Variants in XKR6 observed in about 807,000 individuals in gnomAD.
XKR6 encodes XK-related protein 6.
In XKR6, 22 loss-of-function variants were observed where a neutral mutation model predicts 56.7. The ratio of observed to expected loss-of-function variants is 0.39; its 90% confidence interval spans 0.28 to 0.55. The LOEUF (loss-of-function observed/expected upper bound fraction) is 0.55, where lower values mean the gene tolerates loss of function less well. XKR6 is among the 20% of genes least tolerant of loss of function. The probability of loss-of-function intolerance (pLI) is 0.66; values close to 1 mark genes in which losing one functional copy is unlikely to be tolerated. For synonymous variants in XKR6, 524 were observed against 387.8 expected (o/e 1.35, Z -4.13); for missense variants, 852 against 889.0 (o/e 0.96, Z 0.53).
At chr8:10,973,363 G>T (rs1802462553) in intron 1 of XKR6, among the ~76,000 whole-genome samples, 1 of 152,170 alleles carries the variant, frequency 6.6e-6, no homozygotes, top group South Asian at 2.1e-4. Context: ...TGGGTTCCAT[G>T]GGTTCCCTGG....
chr8:11,190,948 T>C (rs1563207359), intron 1 of XKR6, among the ~76,000 whole-genome samples: 1 of 152,212 alleles, frequency 6.6e-6, no homozygotes, highest in Non-Finnish European at 1.5e-5. Context: ...GTAATTTCTC[T>C]ACGCCTCCTC....
intron 2 of XKR6, among the ~76,000 whole-genome samples, chr8:10,915,999 T>C (rs1800553097): frequency 6.6e-6 from 1 of 152,202 alleles, no homozygotes. Context: ...GAAGTGGAGC[T>C]CTTGTGCTGG....
intron 1 of XKR6, among the ~76,000 whole-genome samples, chr8:11,171,381 C>T (rs2898265): frequency 0.011 from 1,613 of 152,342 alleles, 41 homozygotes; most frequent in African/African-American, 0.037. Context: ...GCTCTCAATG[C>T]CATTACTCCA....
intron 1 of XKR6, among the ~76,000 whole-genome samples, chr8:11,011,920 C>A (rs1314755951): frequency 6.6e-6 from 1 of 152,200 alleles, no homozygotes; most frequent in East Asian, 1.9e-4. Context: ...AGGTGTGCAC[C>A]TGCTGGAAGC....
In XKR6 at chr8:11,182,673, C is replaced by G. The variant is rs551287854; in HGVS notation, c.764+17903G>C. On this transcript the variant is annotated intron_variant, in intron 1 of 2. Coordinates refer to ENST00000416569, the MANE Select transcript of XKR6 (RefSeq NM_173683.4). Reference sequence around the variant, plus strand: ...GTGTTTCAAGTTGTAGTAGAGCTAGCAAGAAATAAAAACATCTAGAGTATT... The same window carrying G: ...GTGTTTCAAGTTGTAGTAGAGCTAGGAAGAAATAAAAACATCTAGAGTATT... 7.1e-4 allele frequency among the ~76,000 whole-genome samples: 108 copies of G among 152,254 alleles called. 1 individual carries two copies. In the Middle Eastern group the frequency reaches 0.01, roughly 14 times the overall value.
intron 1 of XKR6, among the ~76,000 whole-genome samples, chr8:11,016,776 C>T (rs1009408518): frequency 2.6e-5 from 4 of 152,188 alleles, no homozygotes; most frequent in Non-Finnish European, 4.4e-5. Flanking sequence ...TGAGCCGGCG[C>T]GTCCTTGCTC....
At chr8:11,038,874 G>A (rs145554895) in intron 1 of XKR6, among the ~76,000 whole-genome samples, 1 of 152,198 alleles carries the variant, frequency 6.6e-6, no homozygotes, top group African/African-American at 2.4e-5. Context: ...AAGTGATTTA[G>A]ATTGGCTTAG....
At chr8:10,918,211 G>C (rs1477504924) in intron 2 of XKR6, among the ~76,000 whole-genome samples, 1 of 152,214 alleles carries the variant, frequency 6.6e-6, no homozygotes, top group African/African-American at 2.4e-5. Context: ...GAGGGTCCTT[G>C]TCCTAGACCC....
At chr8:11,179,285 C>G (rs1269278689) in intron 1 of XKR6, among the ~76,000 whole-genome samples, 2 of 152,148 alleles carry the variant, frequency 1.3e-5, no homozygotes, top group African/African-American at 4.8e-5. Context: ...ACGTAGATTC[C>G]TTTAGGTAAC....
intron 1 of XKR6, among the ~76,000 whole-genome samples, chr8:11,167,697 G>C (rs188871674): frequency 2.6e-5 from 4 of 152,204 alleles, no homozygotes; most frequent in Admixed American, 6.5e-5. Flanking sequence ...CTAAATACTA[G>C]CCTAGACACA....
chr8:10,935,712 G>C (rs946259897), intron 1 of XKR6, among the ~76,000 whole-genome samples: 37 of 149,620 alleles, frequency 2.5e-4, no homozygotes, highest in African/African-American at 9.1e-4. Flanking sequence ...GAGCGGCTTT[G>C]AGTGAGATTC....
intron 2 of XKR6, among the ~76,000 whole-genome samples, chr8:10,903,075 C>T (rs1397196122): frequency 2.0e-5 from 3 of 152,114 alleles, no homozygotes; most frequent in South Asian, 4.1e-4. Flanking sequence ...AGAGGGTAGC[C>T]CTTGCCCTGG....
chr8:11,144,889 A>C, intron 1 of XKR6, among the ~76,000 whole-genome samples: 1 of 141,506 alleles, frequency 7.1e-6, no homozygotes, highest in Admixed American at 7.4e-5. Flanking sequence ...GAGAAGGGGA[A>C]GGGGAAGGAG....
intron 1 of XKR6, among the ~76,000 whole-genome samples, chr8:11,118,554 G>C (rs1799291276): frequency 1.3e-5 from 2 of 152,162 alleles, no homozygotes; most frequent in South Asian, 4.1e-4. Context: ...TATGTGTCAA[G>C]GCATTTATCC....
At chr8:11,169,490 T>C (rs1313109333) in intron 1 of XKR6, among the ~76,000 whole-genome samples, 3 of 152,134 alleles carry the variant, frequency 2.0e-5, no homozygotes, top group African/African-American at 4.8e-5. Context: ...TGTTAGACCA[T>C]GGACACCTTG....
chr8:11,159,093 G>C (rs990248938), intron 1 of XKR6, among the ~76,000 whole-genome samples: 2 of 152,172 alleles, frequency 1.3e-5, no homozygotes, highest in African/African-American at 4.8e-5. Context: ...TCCTCCTTGA[G>C]ACAGGTGGAC....
intron 1 of XKR6, among the ~76,000 whole-genome samples, chr8:11,199,218 G>T (rs1255125092): frequency 6.6e-6 from 1 of 152,146 alleles, no homozygotes; most frequent in Non-Finnish European, 1.5e-5. Flanking sequence ...CAGGGCCTAC[G>T]GAACCACCCT....
At chr8:10,965,457 T>G (rs1802190544) in intron 1 of XKR6, among the ~76,000 whole-genome samples, 1 of 152,232 alleles carries the variant, frequency 6.6e-6, no homozygotes, top group Non-Finnish European at 1.5e-5. Flanking sequence ...GCACCTAGCA[T>G]GGCACCTCGT....
chr8:10,945,368 C>T (rs1334674173), intron 1 of XKR6, among the ~76,000 whole-genome samples: 1 of 152,168 alleles, frequency 6.6e-6, no homozygotes, highest in African/African-American at 2.4e-5. Flanking sequence ...CTTACAATCC[C>T]AGCTAACTGG....
Sources: allele counts gnomAD v4.1 joint callset (sites outside exome capture counted in the v4.1 genomes callset), GRCh38; gene constraint gnomAD v4.1.1; transcripts MANE v1.5; gene names NCBI Gene and HGNC (gene_info 2026-07-23, HGNC 2026-07-21).